STAG1: variants seen among roughly 807,000 people sequenced by gnomAD.
The protein encoded by STAG1 is STAG1 cohesin complex component.
In STAG1, 26 loss-of-function variants were observed where a neutral mutation model predicts 170.9. The ratio of observed to expected loss-of-function variants is 0.15; its 90% CI spans 0.11 to 0.21. The LOEUF is 0.21. STAG1 is among the 10% of genes least tolerant of loss of function. The pLI, the probability that STAG1 is intolerant of heterozygous loss-of-function variation, is 1.00. For missense variants in STAG1, 964 were observed against 1,509.5 expected (o/e 0.64, Z 5.99); for synonymous variants, 514 against 497.7 (o/e 1.03, Z -0.44).
chr3:136,668,294 TAATA>T (rs983072067), intron 1 of STAG1, among the ~76,000 whole-genome samples: 2 of 146,660 alleles, frequency 1.4e-5, no homozygotes, highest in African/African-American at 2.5e-5. Context: ...ACATGATATA[TAATA>T]TATATTATAC....
chr3:136,474,505 T>C (rs1035159588), intron 10 of STAG1, among the ~76,000 whole-genome samples: 4 of 152,216 alleles, frequency 2.6e-5, no homozygotes, highest in Admixed American at 1.3e-4. Context: ...CTCTGAGGAA[T>C]AGGGTTCTGA....
rs530766964 is a variant in STAG1, at chr3:136,407,818, C to T, written c.2197-8989G>A. Among the ~76,000 whole-genome samples, 286 of 151,140 alleles carry T rather than the reference C, an allele frequency of 1.9e-3. 2 individuals carry two copies. The highest frequency in any genetic ancestry group is 4.0e-3 in the Admixed American group (61 of 15,138). ...GGCTGAGGCAGTGGAATCACTTGAA[C>T]CTAGGAGGTGGAGGTTGCAGTGAGC... is the stretch of plus-strand genomic sequence containing the variant. On this transcript the variant is annotated intron_variant, in intron 21 of 33. Transcript: ENST00000383202.
intron 4 of STAG1, among the ~76,000 whole-genome samples, chr3:136,588,791 T>A (rs1937984527): frequency 6.6e-6 from 1 of 151,934 alleles, no homozygotes; most frequent in Non-Finnish European, 1.5e-5. Flanking sequence ...GAGATGGGAG[T>A]CTCGCTCTGT....
Position 136,524,792 on chromosome 3 carries a change from G to GT in STAG1, c.472-3376dup, listed in dbSNP as rs536614226. ...CCCATCAATACCTAATTTATTGAGA[G>GT]TTTTTAGCATGAAGGCTGTTGAATT... On this transcript the variant is annotated intron_variant, in intron 6 of 33. Transcript: ENST00000383202. Among the ~76,000 whole-genome samples, 29 of 152,298 alleles carry GT rather than the reference G, an allele frequency of 1.9e-4. No individual in the cohort carries two copies. In the South Asian group the frequency reaches 6.0e-3, roughly 32 times the overall value.
chr3:136,624,822 T>C (rs1047817019), intron 2 of STAG1, among the ~76,000 whole-genome samples: 1 of 152,188 alleles, frequency 6.6e-6, no homozygotes, highest in Non-Finnish European at 1.5e-5. Context: ...AGGTGGGAAG[T>C]GACAAACAGT....
At chr3:136,465,942 G>C (rs1380744527) in intron 12 of STAG1, among the ~76,000 whole-genome samples, 1 of 151,978 alleles carries the variant, frequency 6.6e-6, no homozygotes, top group East Asian at 1.9e-4. Flanking sequence ...TACTTGTGAG[G>C]CTAAGAAAAT....
intron 5 of STAG1, among the ~76,000 whole-genome samples, chr3:136,553,426 T>C (rs899209091): frequency 1.3e-5 from 2 of 152,172 alleles, no homozygotes; most frequent in African/African-American, 4.8e-5. Flanking sequence ...TCAAAATATA[T>C]TCTACGCCTA....
intron 7 of STAG1, among the ~76,000 whole-genome samples, chr3:136,506,518 C>T (rs1178741941): frequency 6.8e-6 from 1 of 147,734 alleles, no homozygotes; most frequent in East Asian, 2.0e-4. Context: ...TGGTGACGCA[C>T]GCCAGTAATC....
At chr3:136,647,084 T>C (rs1004193155) in intron 1 of STAG1, among the ~76,000 whole-genome samples, 1 of 152,168 alleles carries the variant, frequency 6.6e-6, no homozygotes, top group African/African-American at 2.4e-5. Flanking sequence ...ATAGGTACAA[T>C]TGTGTCAATT....
intron 1 of STAG1, among the ~76,000 whole-genome samples, chr3:136,712,518 G>A (rs756183561): frequency 2.0e-5 from 3 of 152,158 alleles, no homozygotes; most frequent in Non-Finnish European, 4.4e-5. Context: ...CACAGAATAG[G>A]ACATCAAAAT....
chr3:136,478,935 G>C (rs1281437072), intron 9 of STAG1, among the ~76,000 whole-genome samples: 1 of 151,890 alleles, frequency 6.6e-6, no homozygotes, highest in Non-Finnish European at 1.5e-5. Flanking sequence ...CTCTAAAATA[G>C]TGGTAATAAT....
At chr3:136,518,314 A>C in intron 7 of STAG1, 1 of 668,768 alleles carries the variant, frequency 1.5e-6, no homozygotes, top group East Asian at 2.7e-5. Context: ...AAAGCCGATA[A>C]TCATATCTGG....
At position 136,336,936 on chromosome 3, in the gene STAG1, G is replaced by GGCTT. The variant is rs975758095; in HGVS notation, c.*1314_*1317dup. On this transcript the variant is annotated 3_prime_UTR_variant, in exon 34 of 34. Coordinates refer to ENST00000383202, the MANE Select transcript of STAG1 (RefSeq NM_005862.3). ...GGATGAATTGGTTTGGAAATTCTGAGGCTTACTTTAGAAATCAGAAAGGAA... is the reference window on the plus strand; with the variant it reads ...GGATGAATTGGTTTGGAAATTCTGAGGCTTGCTTACTTTAGAAATCAGAAAGGAA... 5.5e-5 allele frequency: 7 copies of GGCTT among 127,224 alleles called. No homozygotes were observed. Among genetic ancestry groups the GGCTT allele is most frequent in the African/African-American group, 2.1e-4 (7 of 32,922 alleles). The allele number at this position is 127,224 out of a possible 1,614,324, so 7.9% of individuals were successfully genotyped here.
intron 3 of STAG1, among the ~76,000 whole-genome samples, chr3:136,614,620 G>A (rs1393502925): frequency 6.6e-6 from 1 of 152,150 alleles, no homozygotes; most frequent in Non-Finnish European, 1.5e-5. Context: ...TAGGACAACT[G>A]TATACTATTC....
At chr3:136,607,863 A>G (rs935578691) in intron 3 of STAG1, among the ~76,000 whole-genome samples, 1 of 152,236 alleles carries the variant, frequency 6.6e-6, no homozygotes, top group Non-Finnish European at 1.5e-5. Flanking sequence ...AAGATGCTCC[A>G]GGTTCACCCT....
intron 4 of STAG1, among the ~76,000 whole-genome samples, chr3:136,585,613 A>ATAT (rs1389615296): frequency 6.6e-6 from 1 of 151,606 alleles, no homozygotes; most frequent in Admixed American, 6.6e-5. Flanking sequence ...AATAATAATA[A>ATAT]TAATAAAAAA....
intron 1 of STAG1, among the ~76,000 whole-genome samples, chr3:136,685,185 A>G (rs1559950370): frequency 1.3e-5 from 2 of 152,030 alleles, no homozygotes; most frequent in Non-Finnish European, 2.9e-5. Context: ...ATGTGGTGGC[A>G]CACACCTGTA....
At chr3:136,719,649 A>C (rs189840145) in intron 1 of STAG1, among the ~76,000 whole-genome samples, 3 of 18,720 alleles carry the variant, frequency 1.6e-4, no homozygotes, top group African/African-American at 2.1e-4. Flanking sequence ...GTAGGTGGGT[A>C]GGTGGGTGGG....
At chr3:136,549,379 C>A (rs779363867) in intron 5 of STAG1, among the ~76,000 whole-genome samples, 2 of 151,806 alleles carry the variant, frequency 1.3e-5, no homozygotes, top group African/African-American at 2.4e-5. Context: ...GGTATGATCT[C>A]GGCTCACTGC....
Sources: gnomAD v4.1 joint callset for allele counts (sites outside exome capture counted in the v4.1 genomes callset) on GRCh38, gnomAD v4.1.1 for gene constraint, MANE v1.5 for transcripts, NCBI Gene and HGNC (gene_info 2026-07-23, HGNC 2026-07-21) for gene names.